Variants in EXT1 observed in about 807,000 individuals in gnomAD.
The protein encoded by EXT1 is exostosin glycosyltransferase 1.
In EXT1, 20 loss-of-function variants were observed where a neutral mutation model predicts 82.5. The ratio of observed to expected loss-of-function variants is 0.24; its 90% CI spans 0.17 to 0.35. The LOEUF (loss-of-function observed/expected upper bound fraction) is 0.35. Ranked by LOEUF, EXT1 falls within the 10% of genes least tolerant of loss-of-function variation. The pLI is 1.00. For synonymous variants in EXT1, 348 were observed against 350.8 expected (o/e 0.99, Z 0.09); for missense variants, 757 against 936.5 (o/e 0.81, Z 2.50).
chr8:117,950,576 C>T (rs1244413823), intron 1 of EXT1, among the ~76,000 whole-genome samples: 1 of 152,124 alleles, frequency 6.6e-6, no homozygotes, highest in African/African-American at 2.4e-5. Context: ...GGAAAGAGGC[C>T]ACAATAGGAG....
chr8:118,011,047 T>C (rs1406655460), intron 1 of EXT1, among the ~76,000 whole-genome samples: 2 of 152,184 alleles, frequency 1.3e-5, no homozygotes, highest in African/African-American at 2.4e-5. Context: ...AAAACCTGTT[T>C]GCAATGTGGG....
At chr8:118,065,000 C>A (rs759885587) in intron 1 of EXT1, among the ~76,000 whole-genome samples, 12 of 151,828 alleles carry the variant, frequency 7.9e-5, no homozygotes, top group Non-Finnish European at 1.6e-4. Context: ...TTACAGGTGC[C>A]CGCCACCACA....
intron 1 of EXT1, among the ~76,000 whole-genome samples, chr8:117,900,032 G>A (rs934514774): frequency 1.3e-5 from 2 of 152,190 alleles, no homozygotes; most frequent in Admixed American, 6.5e-5. Context: ...CGGATTTGCC[G>A]AGGTGACTAC....
intron 1 of EXT1, among the ~76,000 whole-genome samples, chr8:118,078,159 A>G (rs1341655162): frequency 6.6e-6 from 1 of 152,126 alleles, no homozygotes; most frequent in Non-Finnish European, 1.5e-5. Flanking sequence ...TCTGTTGAAG[A>G]AGAACAAGGG....
chr8:117,887,272 A>T (rs1355560187), intron 1 of EXT1, among the ~76,000 whole-genome samples: 1 of 152,186 alleles, frequency 6.6e-6, no homozygotes, highest in African/African-American at 2.4e-5. Flanking sequence ...CTTCTCCTTG[A>T]CTAAGGCAGG....
intron 1 of EXT1, among the ~76,000 whole-genome samples, chr8:118,083,627 T>G (rs1025900058): frequency 1.3e-5 from 2 of 152,218 alleles, no homozygotes; most frequent in Non-Finnish European, 2.9e-5. Flanking sequence ...TCTGGTGTTC[T>G]TACTGCCCAG....
chr8:118,096,454 G>A (rs1192862915), intron 1 of EXT1, among the ~76,000 whole-genome samples: 2 of 151,968 alleles, frequency 1.3e-5, no homozygotes, highest in Non-Finnish European at 2.9e-5. Context: ...AACCCCATCT[G>A]TACTAAAAAT....
chr8:117,979,403 C>A (rs531067623), intron 1 of EXT1, among the ~76,000 whole-genome samples: 2 of 151,752 alleles, frequency 1.3e-5, no homozygotes, highest in East Asian at 3.9e-4. Flanking sequence ...AAAAAAAGAT[C>A]CTTATCCATT....
intron 1 of EXT1, among the ~76,000 whole-genome samples, chr8:118,008,482 A>C (rs1815827431): frequency 1.3e-5 from 2 of 151,998 alleles, no homozygotes; most frequent in African/African-American, 4.8e-5. Flanking sequence ...GCTGGTCTCG[A>C]ACTAGGTGAT....
At chr8:117,993,284 G>A (rs1815472314) in intron 1 of EXT1, among the ~76,000 whole-genome samples, 1 of 152,126 alleles carries the variant, frequency 6.6e-6, no homozygotes, top group African/African-American at 2.4e-5. Context: ...AGCTGCATGG[G>A]GATCAACAGA....
intron 1 of EXT1, among the ~76,000 whole-genome samples, chr8:117,975,139 CT>C (rs2129751683): frequency 6.6e-6 from 1 of 152,212 alleles, no homozygotes; most frequent in Admixed American, 6.5e-5. Flanking sequence ...TTTGAATGTT[CT>C]CAATAGTGGT....
chr8:117,990,978 C>A (rs1020463599), intron 1 of EXT1, among the ~76,000 whole-genome samples: 3 of 152,140 alleles, frequency 2.0e-5, no homozygotes, highest in African/African-American at 7.2e-5. Context: ...TTCGTACCAA[C>A]CATGTGCAAA....
intron 1 of EXT1, among the ~76,000 whole-genome samples, chr8:118,039,566 A>T (rs1358767658): frequency 6.6e-6 from 1 of 151,234 alleles, no homozygotes; most frequent in African/African-American, 2.4e-5. Context: ...ACAAAAAAAA[A>T]AAAAAAAAAA....
At chr8:117,854,634 GATA>G (rs1281120830) in intron 1 of EXT1, among the ~76,000 whole-genome samples, 2 of 152,192 alleles carry the variant, frequency 1.3e-5, no homozygotes, top group Admixed American at 6.5e-5. Flanking sequence ...AAATAACAAT[GATA>G]ATGATGATAT....
chr8:117,890,185 T>C (rs1391254177), intron 1 of EXT1, among the ~76,000 whole-genome samples: 3 of 152,234 alleles, frequency 2.0e-5, no homozygotes, highest in African/African-American at 4.8e-5. Flanking sequence ...TTTTAACATA[T>C]ACCAAAAGTT....
At chr8:118,034,792 T>C (rs1039805220) in intron 1 of EXT1, among the ~76,000 whole-genome samples, 4 of 152,162 alleles carry the variant, frequency 2.6e-5, no homozygotes, top group Non-Finnish European at 5.9e-5. Flanking sequence ...ACCACAGTCT[T>C]CAGAGGTAGC....
chr8:118,049,573 G>C (rs1264177376), intron 1 of EXT1, among the ~76,000 whole-genome samples: 1 of 152,166 alleles, frequency 6.6e-6, no homozygotes, highest in Non-Finnish European at 1.5e-5. Flanking sequence ...CGGTCTATTT[G>C]AATGCTGCTC....
chr8:118,046,748 C>T (rs17476756), intron 1 of EXT1, among the ~76,000 whole-genome samples: 1,819 of 152,302 alleles, frequency 0.012, 28 homozygotes, highest in African/African-American at 0.041. Context: ...AATACCCAAC[C>T]TGGTACCCAG....
At chr8:117,984,127 T>C (rs897828321) in intron 1 of EXT1, among the ~76,000 whole-genome samples, 1 of 152,196 alleles carries the variant, frequency 6.6e-6, no homozygotes, top group Non-Finnish European at 1.5e-5. Flanking sequence ...GGGCTAGAGA[T>C]GTGGCAACTG....
Sources: gnomAD v4.1 joint callset for allele counts (sites outside exome capture counted in the v4.1 genomes callset) on GRCh38, gnomAD v4.1.1 for gene constraint, MANE v1.5 for transcripts, NCBI Gene and HGNC (gene_info 2026-07-23, HGNC 2026-07-21) for gene names.